NSUN2: variants seen among roughly 807,000 people sequenced by gnomAD.
The protein encoded by NSUN2 is RNA cytosine C(5)-methyltransferase NSUN2.
A neutral mutation model predicts 92.7 loss-of-function variants in NSUN2; 63 were observed. That is an observed-to-expected ratio of 0.68 (90% confidence interval 0.56 to 0.84). The LOEUF (loss-of-function observed/expected upper bound fraction) is 0.84, where lower values mean the gene tolerates loss of function less well. Ranked by LOEUF, NSUN2 falls within the 40% of genes least tolerant of loss-of-function variation. NSUN2 has a pLI of 0.00. For missense variants in NSUN2, 989 were observed against 964.9 expected (o/e 1.02, Z -0.33); for synonymous variants, 356 against 348.3 (o/e 1.02, Z -0.25).
chr5:6,614,228 T>A (rs1391668085), intron 9 of NSUN2, among the ~76,000 whole-genome samples: 1 of 151,070 alleles, frequency 6.6e-6, no homozygotes, highest in Non-Finnish European at 1.5e-5. Flanking sequence ...GCAGTAACAT[T>A]CTAAATACAA....
At chr5:6,615,035 G>T (rs1462809957) in intron 9 of NSUN2, among the ~76,000 whole-genome samples, 3 of 152,060 alleles carry the variant, frequency 2.0e-5, no homozygotes, top group Admixed American at 6.6e-5. Context: ...AATGCTTAAA[G>T]AATCTACAAA....
Position 6,633,019 on chromosome 5 carries a change from C to T in NSUN2, c.-40G>A. On this transcript the variant is annotated 5_prime_UTR_variant, in exon 1 of 19. Coordinates refer to ENST00000264670, the MANE Select transcript of NSUN2 (RefSeq NM_017755.6). Reference sequence around the variant, plus strand: ...CGCACGCAGCACGCAGAAACCGGCCCGCCACGGCCAGAACTCTAGCCCTAC... The same window carrying T: ...CGCACGCAGCACGCAGAAACCGGCCTGCCACGGCCAGAACTCTAGCCCTAC... 2.1e-6 allele frequency: 3 copies of T among 1,412,796 alleles called. No individual in the cohort carries two copies. The highest frequency in any genetic ancestry group is 1.5e-5 in the South Asian group (1 of 65,270). The allele number at this position is 1,412,796 out of a possible 1,614,324, so 87.5% of individuals were successfully genotyped here.
chr5:6,601,451 G>T (rs951119675), intron 18 of NSUN2, among the ~76,000 whole-genome samples: 2 of 151,972 alleles, frequency 1.3e-5, no homozygotes, highest in African/African-American at 4.8e-5. Context: ...CGGCCTCGCT[G>T]ACCTCTCCAG....
At chr5:6,603,455 G>C (rs1024948307) in intron 17 of NSUN2, among the ~76,000 whole-genome samples, 5 of 152,244 alleles carry the variant, frequency 3.3e-5, no homozygotes, top group Non-Finnish European at 5.9e-5. Flanking sequence ...ACTTTGGGAG[G>C]CTGAGACAGG....
chr5:6,631,889 G>T lies in NSUN2; in HGVS notation c.343C>A (p.Pro115Thr). 4 of 1,613,102 alleles carry T rather than the reference G, an allele frequency of 2.5e-6. No individual in the cohort carries two copies. The highest frequency in any genetic ancestry group is 3.4e-6 in the Non-Finnish European group (4 of 1,179,154). Residue 115 changes from proline (P) to threonine (T), a missense_variant, in exon 3 of 19, where the codon CCA becomes ACA. Physicochemically the swap from Pro to Thr is conservative, Grantham distance 38. Coordinates refer to ENST00000264670, the MANE Select transcript of NSUN2 (RefSeq NM_017755.6). ...LEVDGQKVEVPQPLSWYPEEL... is the reference protein window; with the variant it reads ...LEVDGQKVEVTQPLSWYPEEL... ...GGTACCTACCAACTCAGTGGCTGTGGAACTTCAACTTTCTGACCGTCCACC... is the reference window on the plus strand; with the variant it reads ...GGTACCTACCAACTCAGTGGCTGTGTAACTTCAACTTTCTGACCGTCCACC...
intron 18 of NSUN2, among the ~76,000 whole-genome samples, chr5:6,601,691 G>C (rs1736564260): frequency 6.6e-6 from 1 of 152,092 alleles, no homozygotes; most frequent in Non-Finnish European, 1.5e-5. Flanking sequence ...CTTCAAGTTA[G>C]CACTGGATCC....
At chr5:6,606,370 A>C (rs370317580) in intron 14 of NSUN2, among the ~76,000 whole-genome samples, 15 of 151,500 alleles carry the variant, frequency 9.9e-5, no homozygotes, top group African/African-American at 3.2e-4. Context: ...TGCAAGCTCC[A>C]CCTCCCAGGT....
intron 5 of NSUN2, among the ~76,000 whole-genome samples, chr5:6,622,577 G>A (rs1383373254): frequency 6.6e-6 from 1 of 152,206 alleles, no homozygotes; most frequent in Non-Finnish European, 1.5e-5. Context: ...GCCAGGCACA[G>A]TGGCTCACAC....
chr5:6,605,009 G>A, intron 15 of NSUN2: 1 of 579,006 alleles, frequency 1.7e-6, no homozygotes, highest in Non-Finnish European at 3.0e-6. Flanking sequence ...AGGGCGAGCT[G>A]TGAGAACTAC....
In NSUN2 at chr5:6,632,702, A is replaced by G. The variant is rs1293190085; in HGVS notation, c.151T>C (p.Tyr51His). The change falls in exon 2 of 19, where the codon TAC becomes CAC. Residue 51 changes from tyrosine to histidine, a missense_variant. By Grantham distance (83) the Tyr-to-His change is moderately conservative. This residue lies in a region of NSUN2 where 356 missense variants were observed against 338.6 expected (regional missense o/e 1.05). Transcript: ENST00000264670. ...IVKENKLFEH[Y>H]YQELKIVPEG... ...GGCACGATCTTGAGCTCCTGGTAGT[A>G]GTGCTCGAACAGCTTGTTCTCCTTG... The G allele has an allele frequency of 5.6e-6, 9 of 1,613,984 alleles. No homozygotes were observed. The highest frequency in any genetic ancestry group is 6.8e-6 in the Non-Finnish European group (8 of 1,180,012).
chr5:6,622,233 C>T lies in NSUN2; in HGVS notation c.538-133G>A, dbSNP rs143638258. 147 of 670,486 alleles carry T rather than the reference C, an allele frequency of 2.2e-4. 1 individual carries two copies. The African/African-American group carries it at 2.6e-3, about 12-fold the overall frequency. The allele number at this position is 670,486 out of a possible 1,614,324, so 41.5% of individuals were successfully genotyped here. On this transcript the variant is annotated intron_variant, in intron 5 of 18. Transcript: ENST00000264670. ...CTTCTTTACAGAGTCTATAGCATGA[C>T]ATAATTTACTTTTAGGGATTCTACA...
chr5:6,601,018 T>C (rs1256275470), intron 18 of NSUN2, among the ~76,000 whole-genome samples: 2 of 152,204 alleles, frequency 1.3e-5, no homozygotes, highest in Non-Finnish European at 2.9e-5. Flanking sequence ...ATCTGATTTC[T>C]TTCATACGGG....
intron 3 of NSUN2, among the ~76,000 whole-genome samples, chr5:6,626,691 T>A (rs1737671224): frequency 6.6e-6 from 1 of 152,244 alleles, no homozygotes; most frequent in Non-Finnish European, 1.5e-5. Context: ...TACAGGCATC[T>A]GCACCGTACA....
At chr5:6,619,887 T>C (rs548805915) in intron 7 of NSUN2, among the ~76,000 whole-genome samples, 102 of 152,328 alleles carry the variant, frequency 6.7e-4, no homozygotes, top group African/African-American at 2.4e-3. Context: ...CTGCAGGCTA[T>C]TGCAACCACC....
In NSUN2 at chr5:6,599,761, A is replaced by G; in HGVS notation, c.*165T>C. The G allele has an allele frequency of 1.5e-6, 1 of 655,880 alleles. No individual in the cohort carries two copies. The highest frequency in any genetic ancestry group is 2.7e-6 in the Non-Finnish European group (1 of 370,594). The allele number at this position is 655,880 out of a possible 1,614,324, so 40.6% of individuals were successfully genotyped here. ...CATTTTCATCAGCTCCAAAGAAAGC[A>G]GTCCTGGTCATTCAGAAGGCTCCTA... On this transcript the variant is annotated 3_prime_UTR_variant, in exon 19 of 19. Transcript: ENST00000264670.
In NSUN2 at chr5:6,599,617, T is replaced by C. The variant is rs1382513076; in HGVS notation, c.*309A>G. 1 of 295,490 alleles carries C rather than the reference T, an allele frequency of 3.4e-6. No homozygotes were observed. 18.3% of individuals were successfully genotyped at this position (295,490 alleles called of 1,614,324 possible). A position where few individuals can be genotyped will look rare whatever the true frequency, so the allele number is the denominator to read the frequency against. Reference sequence around the variant, plus strand: ...AGACCTGAAATTTCTGCAAGGGCAGTTTTGTTTCTTGATAGAAGTACAACT... The same window carrying C: ...AGACCTGAAATTTCTGCAAGGGCAGCTTTGTTTCTTGATAGAAGTACAACT... On this transcript the variant is annotated 3_prime_UTR_variant, in exon 19 of 19. Coordinates refer to ENST00000264670, the MANE Select transcript of NSUN2 (RefSeq NM_017755.6).
intron 3 of NSUN2, among the ~76,000 whole-genome samples, chr5:6,626,773 C>T (rs1737674224): frequency 6.6e-6 from 1 of 152,174 alleles, no homozygotes; most frequent in South Asian, 2.1e-4. Flanking sequence ...GTCACACGGC[C>T]ATAAATCTTA....
chr5:6,610,010 G>A, intron 11 of NSUN2, 88 bp from the exon 12 acceptor site: 6 of 904,560 alleles, frequency 6.6e-6, no homozygotes, highest in Non-Finnish European at 9.9e-6. Context: ...GATGATACAA[G>A]AGAAAAATCA....
chr5:6,623,163 G>A lies in NSUN2; in HGVS notation c.537+51C>T, dbSNP rs367986585. 10 of 1,500,034 alleles carry A rather than the reference G, an allele frequency of 6.7e-6. No individual in the cohort carries two copies. In the African/African-American group the frequency reaches 9.9e-5, roughly 15 times the overall value. 92.9% of individuals were successfully genotyped at this position (1,500,034 alleles called of 1,614,324 possible). On this transcript the variant is annotated intron_variant, in intron 5 of 18. Transcript: ENST00000264670. ...TGGTTTCATCAAAACAAACAGGCAT[G>A]ACACTGGTAACAAGCTGCCCGCCCC...
Sources: allele counts gnomAD v4.1 joint callset (sites outside exome capture counted in the v4.1 genomes callset), GRCh38; gene constraint gnomAD v4.1.1; regional missense constraint gnomAD v4.1.1; transcripts MANE v1.5; gene names NCBI Gene and HGNC (gene_info 2026-07-23, HGNC 2026-07-21).